The following ACACA variants were observed in gnomAD, a reference collection of about 807,000 sequenced individuals.
The protein encoded by ACACA is acetyl-CoA carboxylase 1.
Under a neutral mutation model 296.1 loss-of-function variants are expected in ACACA, and 103 were observed. The ratio of observed to expected loss-of-function variants is 0.35; its 90% CI spans 0.30 to 0.41. The LOEUF is 0.41. Among genes scored for constraint, ACACA ranks in the 10% least tolerant of loss-of-function variants. ACACA has a pLI of 1.00. For synonymous variants in ACACA, 953 were observed against 1,038.6 expected, an observed-to-expected ratio of 0.92 and a Z score of 1.58; for missense variants, 1,554 against 2,989.7, an observed-to-expected ratio of 0.52 and a Z score of 11.20.
chr17:37,277,642 A>G (rs1303452019), intron 6 of ACACA, among the ~76,000 whole-genome samples: 1 of 152,228 alleles, frequency 6.6e-6, no homozygotes, highest in East Asian at 1.9e-4. Flanking sequence ...TACTGGCTCA[A>G]AGGTGAGATA....
intron 1 of ACACA, among the ~76,000 whole-genome samples, chr17:37,347,008 A>G (rs2048657315): frequency 6.6e-6 from 1 of 152,138 alleles, no homozygotes; most frequent in Admixed American, 6.5e-5. Context: ...TGAGAACATG[A>G]GATCTGGGAA....
At chr17:37,322,889 C>T (rs1021641483) in intron 3 of ACACA, among the ~76,000 whole-genome samples, 4 of 152,228 alleles carry the variant, frequency 2.6e-5, no homozygotes, top group African/African-American at 9.7e-5. Context: ...TCGCTGAGAG[C>T]CACTTCCACC....
intron 51 of ACACA, 112 bp downstream of exon 51, chr17:37,112,976 G>T: frequency 1.5e-6 from 2 of 1,302,104 alleles, no homozygotes; most frequent in Non-Finnish European, 2.2e-6. Flanking sequence ...GCTTTGGTTT[G>T]GAATCACAGG....
At position 37,263,705 on chromosome 17, in the gene ACACA, C is replaced by T. The variant is rs1208790942; in HGVS notation, c.1309G>A (p.Val437Ile). Residue 437 changes from valine (V) to isoleucine (I), a missense_variant, in exon 11 of 56, where the codon GTA (valine) becomes ATA (isoleucine). Physicochemically the swap from Val to Ile is conservative, Grantham distance 29 (BLOSUM62 3). This residue lies in a region of ACACA where 82 missense variants were observed against 185.2 expected (regional missense o/e 0.44). Transcript: ENST00000616317. ...TGTACCTGTTCCATGTGTTCAAATA[C>T]TGCTGGAGTAGCAATAGTAGCAGGT... ...EAPATIATPA[V>I]FEHMEQCAVK... is the part of the protein sequence containing the mutation. 6.2e-7 allele frequency: 1 copy of T among 1,613,846 alleles called. No homozygotes were observed. Among genetic ancestry groups the T allele is most frequent in the Non-Finnish European group, 8.5e-7 (1 of 1,179,890 alleles).
chr17:37,089,087 G>A lies in ACACA; in HGVS notation c.6892-13C>T. 6.2e-7 allele frequency: 1 copy of A among 1,614,118 alleles called. No homozygotes were observed. The highest frequency in any genetic ancestry group is 1.6e-4 in the Middle Eastern group (1 of 6,062). On this transcript the variant is annotated splice_polypyrimidine_tract_variant and intron_variant, in intron 54 of 55. Coordinates refer to ENST00000616317, the MANE Select transcript of ACACA (RefSeq NM_198834.3). The stretch of plus-strand genomic sequence containing the variant: ...CCCAAACATAAGCCTGCAAACAGAT[G>A]ACTCTTGGTCAAACACCAGGGGTCA...
intron 15 of ACACA, 49 bp downstream of exon 15, chr17:37,252,829 GAGTACACA>G: frequency 6.2e-7 from 1 of 1,600,064 alleles, no homozygotes; most frequent in Non-Finnish European, 8.6e-7. Context: ...GACAGGGATT[GAGTACACA>G]AGTCTATAAA....
chr17:37,367,773 C>A (rs867332902), intron 1 of ACACA: 1 of 152,132 alleles, frequency 6.6e-6, no homozygotes, highest in Non-Finnish European at 1.5e-5. Flanking sequence ...TCAATTAATT[C>A]AGAAATTGTG....
At chr17:37,204,213 C>T (rs1019372539) in intron 33 of ACACA, among the ~76,000 whole-genome samples, 1 of 152,224 alleles carries the variant, frequency 6.6e-6, no homozygotes, top group Non-Finnish European at 1.5e-5. Flanking sequence ...GGACACTTTG[C>T]TATCTATCAC....
intron 3 of ACACA, among the ~76,000 whole-genome samples, chr17:37,290,092 G>A (rs1486067315): frequency 6.6e-6 from 1 of 152,086 alleles, no homozygotes; most frequent in African/African-American, 2.4e-5. Flanking sequence ...CTGTCACCCA[G>A]GCTGGAGTGC....
At chr17:37,205,489 G>A (rs1435940522) in intron 33 of ACACA, among the ~76,000 whole-genome samples, 10 of 152,122 alleles carry the variant, frequency 6.6e-5, no homozygotes, top group Admixed American at 2.0e-4. Flanking sequence ...TAGGTGATTC[G>A]AAGTTCAAGA....
intron 24 of ACACA, among the ~76,000 whole-genome samples, chr17:37,237,477 C>T (rs913244439): frequency 6.6e-6 from 1 of 152,150 alleles, no homozygotes; most frequent in African/African-American, 2.4e-5. Context: ...ATTTGTACTT[C>T]CATGTACAGA....
intron 3 of ACACA, among the ~76,000 whole-genome samples, chr17:37,298,296 TTTTG>T (rs1356042386): frequency 5.3e-5 from 8 of 152,226 alleles, no homozygotes; most frequent in African/African-American, 1.7e-4. Context: ...ACTCAGTGTT[TTTTG>T]TTTATTTTCT....
intron 1 of ACACA, among the ~76,000 whole-genome samples, chr17:37,348,866 G>C (rs191265634): frequency 4.0e-5 from 6 of 150,358 alleles, no homozygotes; most frequent in African/African-American, 1.5e-4. Flanking sequence ...GGAGAATGGC[G>C]TGAACCCAGG....
intron 50 of ACACA, among the ~76,000 whole-genome samples, chr17:37,117,622 A>G (rs1387458859): frequency 6.6e-6 from 1 of 152,198 alleles, no homozygotes; most frequent in African/African-American, 2.4e-5. Context: ...TGGCTCTTCC[A>G]TCTAAATATT....
At chr17:37,267,150 CATTTT>C (rs1169037459) in intron 10 of ACACA, among the ~76,000 whole-genome samples, 3 of 152,138 alleles carry the variant, frequency 2.0e-5, no homozygotes, top group Non-Finnish European at 4.4e-5. Flanking sequence ...GTATAGCAAC[CATTTT>C]ATTTTATTTG....
intron 30 of ACACA, among the ~76,000 whole-genome samples, chr17:37,209,476 C>T (rs1261829623): frequency 2.0e-5 from 3 of 152,108 alleles, no homozygotes; most frequent in East Asian, 1.9e-4. Context: ...TGGGAAATAT[C>T]GACTATTCAG....
At chr17:37,390,175 T>TATATATACACACAC (rs60788220) in intron 1 of ACACA, among the ~76,000 whole-genome samples, 42 of 44,496 alleles carry the variant, frequency 9.4e-4, no homozygotes, top group Middle Eastern at 0.017. Context: ...TATATATATA[T>TATATATACACACAC]ACACACACAC....
intron 33 of ACACA, 26 bp downstream of exon 33, chr17:37,205,739 G>C (rs978196183): frequency 1.3e-6 from 2 of 1,568,460 alleles, no homozygotes; most frequent in East Asian, 4.5e-5. Flanking sequence ...GGGACATCAC[G>C]AGCTTCCACC....
intron 17 of ACACA, 62 bp from the exon 18 acceptor site, chr17:37,248,218 G>C: frequency 6.3e-7 from 1 of 1,591,560 alleles, no homozygotes; most frequent in Non-Finnish European, 8.6e-7. Flanking sequence ...AATGAAATTT[G>C]AATGCTTCAA....
Sources: gnomAD v4.1 joint callset for allele counts (sites outside exome capture counted in the v4.1 genomes callset) on GRCh38, gnomAD v4.1.1 for gene constraint, gnomAD v4.1.1 regional missense constraint, MANE v1.5 for transcripts, NCBI Gene and HGNC (gene_info 2026-07-23, HGNC 2026-07-21) for gene names.